The following SSH2 variants were observed in gnomAD, a reference collection of about 807,000 sequenced individuals.
The protein encoded by SSH2 is protein phosphatase Slingshot homolog 2.
Under a neutral mutation model 135.2 loss-of-function variants are expected in SSH2, and 37 were observed. That is an observed-to-expected ratio of 0.27 (90% CI 0.21 to 0.36). The LOEUF is 0.36. SSH2 is among the 10% of genes least tolerant of loss of function. SSH2 has a pLI of 1.00. For synonymous variants in SSH2, 628 were observed against 646.2 expected (o/e 0.97, Z 0.43); for missense variants, 1,408 against 1,765.3 (o/e 0.80, Z 3.63).
Position 29,710,562 on chromosome 17 carries a change from T to C in SSH2, c.189-7500A>G, listed in dbSNP as rs148323861. 6.5e-3 allele frequency among the ~76,000 whole-genome samples: 997 copies of C among 152,308 alleles called. 6 individuals are homozygous for C. The highest frequency in any genetic ancestry group is 0.023 in the African/African-American group (956 of 41,564). On this transcript the variant is annotated intron_variant, in intron 3 of 15. Coordinates refer to ENST00000540801, the MANE Select transcript of SSH2 (RefSeq NM_001282129.2). ...TGATAAGCCTTCTCTGCTTCGTTGT[T>C]TAATTTTCAGATTCAAGGTGCTAGG...
chr17:29,900,948 C>A (rs1187680176), intron 1 of SSH2, among the ~76,000 whole-genome samples: 2 of 152,080 alleles, frequency 1.3e-5, no homozygotes, highest in African/African-American at 4.8e-5. Flanking sequence ...ACTATGCAGC[C>A]ATAAAAAATG....
chr17:29,874,393 A>T (rs1180618680), intron 1 of SSH2, among the ~76,000 whole-genome samples: 1 of 152,160 alleles, frequency 6.6e-6, no homozygotes, highest in African/African-American at 2.4e-5. Flanking sequence ...AGGCTTTGAT[A>T]TGGGTCCCCA....
At position 29,645,513 on chromosome 17, in the gene SSH2, C is replaced by A. The variant is rs2036334708; in HGVS notation, c.1427+2631G>T. The A allele has an allele frequency of 2.0e-5, 3 of 152,124 alleles. No homozygotes were observed. The South Asian group carries it at 6.2e-4, about 32-fold the overall frequency. The allele number at this position is 152,124 out of a possible 1,614,324, so 9.4% of individuals were successfully genotyped here. A position where few individuals can be genotyped will look rare whatever the true frequency, so the allele number is the denominator to read the frequency against. ...ACATTAAAAAAACCCAACCCAACAG[C>A]TTGCAGAAGCCTGGGATTCCAGAAT... On this transcript the variant is annotated intron_variant, in intron 14 of 15. Coordinates refer to ENST00000540801, the MANE Select transcript of SSH2 (RefSeq NM_001282129.2).
At chr17:29,775,254 C>A (rs1175676226) in intron 3 of SSH2, among the ~76,000 whole-genome samples, 1 of 149,524 alleles carries the variant, frequency 6.7e-6, no homozygotes, top group Non-Finnish European at 1.5e-5. Context: ...AGAAGGGAGA[C>A]AAACTGGAGT....
intron 12 of SSH2, among the ~76,000 whole-genome samples, chr17:29,654,558 C>G (rs1302236851): frequency 6.6e-6 from 1 of 152,174 alleles, no homozygotes; most frequent in African/African-American, 2.4e-5. Flanking sequence ...TATCTCTTTC[C>G]ACAATGAGTT....
At chr17:29,763,567 CAG>C (rs774147353) in intron 3 of SSH2, among the ~76,000 whole-genome samples, 93 of 150,968 alleles carry the variant, frequency 6.2e-4, no homozygotes, top group Non-Finnish European at 1.9e-4. Flanking sequence ...CATGACACAG[CAG>C]AGAGAGGATT....
Position 29,880,645 on chromosome 17 carries a change from G to A in SSH2, c.64-31716C>T, listed in dbSNP as rs1349311237. On this transcript the variant is annotated intron_variant, in intron 1 of 15. Transcript: ENST00000540801. ...CATGCTTCCCTCCTGGCTTTGGTAA[G>A]CAAATGAGTTCTGACTCTTGCTTTG... 4.6e-5 allele frequency among the ~76,000 whole-genome samples: 7 copies of A among 152,128 alleles called. 1 individual carries two copies. The highest frequency in any genetic ancestry group is 1.3e-4 in the Admixed American group (2 of 15,276).
At chr17:29,823,878 CAA>C (rs60064865) in intron 2 of SSH2, among the ~76,000 whole-genome samples, 8 of 85,068 alleles carry the variant, frequency 9.4e-5, no homozygotes, top group Admixed American at 2.5e-4. Flanking sequence ...GACTCTGTCT[CAA>C]AAAAAAAAAA....
chr17:29,728,728 A>T (rs1444240538), intron 3 of SSH2, among the ~76,000 whole-genome samples: 2 of 152,182 alleles, frequency 1.3e-5, no homozygotes, highest in Non-Finnish European at 2.9e-5. Flanking sequence ...ATAACACAGA[A>T]TCCAGGAATA....
intron 3 of SSH2, among the ~76,000 whole-genome samples, chr17:29,769,903 C>G (rs1423799866): frequency 2.0e-5 from 3 of 152,038 alleles, no homozygotes; most frequent in Non-Finnish European, 4.4e-5. Flanking sequence ...CCTACTCAAA[C>G]TCCCCAAATA....
At chr17:29,783,848 C>T (rs956405380) in intron 3 of SSH2, among the ~76,000 whole-genome samples, 6 of 150,980 alleles carry the variant, frequency 4.0e-5, no homozygotes, top group Non-Finnish European at 8.9e-5. Flanking sequence ...GGGCGGATCA[C>T]GAGGTCAGGA....
At chr17:29,859,917 G>A (rs1209681214) in intron 1 of SSH2, among the ~76,000 whole-genome samples, 2 of 152,086 alleles carry the variant, frequency 1.3e-5, no homozygotes, top group Non-Finnish European at 2.9e-5. Flanking sequence ...CACGACCTTG[G>A]CTCACTGCAA....
At chr17:29,684,251 G>A (rs2038109393) in intron 6 of SSH2, among the ~76,000 whole-genome samples, 1 of 152,186 alleles carries the variant, frequency 6.6e-6, no homozygotes, top group South Asian at 2.1e-4. Flanking sequence ...GGAGGCTGAG[G>A]TGGGTGGATC....
chr17:29,709,015 T>TATATATATATATAGAGAGAGAGAGAGAG (rs780981175), intron 3 of SSH2, among the ~76,000 whole-genome samples: 1 of 81,588 alleles, frequency 1.2e-5, no homozygotes, highest in African/African-American at 4.1e-5. Flanking sequence ...TATATATATA[T>TATATATATATATAGAGAGAGAGAGAGAG]AGAGAGAGAG....
At chr17:29,685,131 T>C (rs181501840) in intron 5 of SSH2, among the ~76,000 whole-genome samples, 161 of 152,204 alleles carry the variant, frequency 1.1e-3, no homozygotes, top group African/African-American at 3.6e-3. Flanking sequence ...CTAAGGGGAG[T>C]ACTGACTTTG....
rs2035562570 is a variant in SSH2, at chr17:29,628,500, ACT to A, written c.*2339_*2340del. 6.6e-6 allele frequency: 1 copy of A among 151,940 alleles called. No homozygotes were observed. Among genetic ancestry groups the A allele is most frequent in the Admixed American group, 6.6e-5 (1 of 15,244 alleles). The allele number at this position is 151,940 out of a possible 1,614,324, so 9.4% of individuals were successfully genotyped here. On this transcript the variant is annotated 3_prime_UTR_variant, in exon 16 of 16. Coordinates refer to ENST00000540801, the MANE Select transcript of SSH2 (RefSeq NM_001282129.2). ...TAAGGGGTTACCACAAGTGGATGCC[ACT>A]CTCTTAACTTCCAGGCAAACCCTCT...
intron 9 of SSH2, among the ~76,000 whole-genome samples, chr17:29,668,640 G>A (rs918343161): frequency 6.2e-4 from 95 of 152,314 alleles, no homozygotes; most frequent in African/African-American, 2.1e-3. Context: ...GGGAGGCTGA[G>A]GTGGGAGGAC....
At chr17:29,774,618 T>C (rs571772939) in intron 3 of SSH2, among the ~76,000 whole-genome samples, 2 of 152,272 alleles carry the variant, frequency 1.3e-5, no homozygotes, top group South Asian at 4.1e-4. Context: ...GAGATTCTAA[T>C]TTTGGGGGTT....
At chr17:29,667,254 A>T in intron 9 of SSH2, 31 bp from the exon 10 acceptor site, 1 of 1,332,312 alleles carries the variant, frequency 7.5e-7, no homozygotes, top group Non-Finnish European at 1.1e-6. Flanking sequence ...ATTATTCTTA[A>T]ACGATATTCT....
Sources: gnomAD v4.1 joint callset for allele counts (sites outside exome capture counted in the v4.1 genomes callset) on GRCh38, gnomAD v4.1.1 for gene constraint, MANE v1.5 for transcripts, NCBI Gene and HGNC (gene_info 2026-07-23, HGNC 2026-07-21) for gene names.